PEAK1: variants seen among roughly 807,000 people sequenced by gnomAD.
PEAK1 encodes inactive tyrosine-protein kinase PEAK1.
A neutral mutation model predicts 124.7 loss-of-function variants in PEAK1; 54 were observed. The observed-to-expected ratio is 0.43, with a 90% CI of 0.35 to 0.54. The LOEUF (loss-of-function observed/expected upper bound fraction) is 0.54, where lower values mean the gene tolerates loss of function less well. PEAK1 is among the 20% of genes least tolerant of loss of function. PEAK1 has a pLI of 0.01. For synonymous variants in PEAK1, 719 were observed against 760.0 expected, an observed-to-expected ratio of 0.95 and a Z score of 0.89; for missense variants, 2,046 against 2,134.5, an observed-to-expected ratio of 0.96 and a Z score of 0.82.
chr15:77,139,261 C>T (rs1412631891), intron 8 of PEAK1, among the ~76,000 whole-genome samples: 2 of 152,192 alleles, frequency 1.3e-5, no homozygotes, highest in Non-Finnish European at 2.9e-5. Flanking sequence ...CCTAAGATAA[C>T]AATGCCTTCT....
At chr15:77,326,826 G>A (rs2065606568) in intron 2 of PEAK1, among the ~76,000 whole-genome samples, 1 of 152,040 alleles carries the variant, frequency 6.6e-6, no homozygotes, top group Non-Finnish European at 1.5e-5. Flanking sequence ...AAATACTGGT[G>A]ACAAAGAGCT....
intron 1 of PEAK1, chr15:77,419,028 T>C: frequency 1.0e-6 from 1 of 985,344 alleles, no homozygotes; most frequent in Non-Finnish European, 1.2e-6. Context: ...AAAAATCAAT[T>C]AGGTTTTCTA....
At chr15:77,260,204 C>T (rs1399173476) in intron 5 of PEAK1, among the ~76,000 whole-genome samples, 1 of 152,114 alleles carries the variant, frequency 6.6e-6, no homozygotes, top group East Asian at 1.9e-4. Context: ...GAATAAAGGC[C>T]ACTCTAGATA....
chr15:77,346,863 G>T, intron 2 of PEAK1: 1 of 535,640 alleles, frequency 1.9e-6, no homozygotes, highest in Non-Finnish European at 2.4e-6. Context: ...ATGTCCCTTT[G>T]TCCCCATCAG....
chr15:77,225,631 G>GTGTA (rs1168224941), intron 6 of PEAK1, among the ~76,000 whole-genome samples: 3 of 37,940 alleles, frequency 7.9e-5, no homozygotes, highest in Non-Finnish European at 2.8e-4. Flanking sequence ...TTCTACAGAT[G>GTGTA]TGTGTGTGTG....
At chr15:77,283,796 A>C in intron 5 of PEAK1, 87 bp downstream of exon 5, 1 of 574,142 alleles carries the variant, frequency 1.7e-6, no homozygotes, top group Non-Finnish European at 2.2e-6. Flanking sequence ...GGATATTAAA[A>C]GTCAATTATG....
At chr15:77,406,488 G>A (rs138799001) in intron 1 of PEAK1, among the ~76,000 whole-genome samples, 1,698 of 152,172 alleles carry the variant, frequency 0.011, 40 homozygotes, top group African/African-American at 0.039. Flanking sequence ...TACCAACAGC[G>A]GCCAAGCTGA....
At chr15:77,278,550 C>T (rs2062463342) in intron 5 of PEAK1, 3 of 492,990 alleles carry the variant, frequency 6.1e-6, no homozygotes, top group South Asian at 4.6e-5. Flanking sequence ...GCAAGGTTGT[C>T]TACTAAACCT....
intron 6 of PEAK1, among the ~76,000 whole-genome samples, chr15:77,207,778 A>C (rs1567115968): frequency 6.6e-6 from 1 of 152,184 alleles, no homozygotes; most frequent in East Asian, 1.9e-4. Flanking sequence ...GTCATTATAC[A>C]TTTGTCAAAC....
intron 2 of PEAK1, chr15:77,352,455 G>A (rs1358340267): frequency 3.0e-6 from 3 of 985,228 alleles, no homozygotes; most frequent in Non-Finnish European, 3.6e-6. Flanking sequence ...GGGGAGATGA[G>A]GGACAGCTGT....
intron 2 of PEAK1, among the ~76,000 whole-genome samples, chr15:77,311,447 G>A (rs944121505): frequency 3.9e-5 from 6 of 152,056 alleles, no homozygotes; most frequent in African/African-American, 9.7e-5. Flanking sequence ...AGGCAGAGGC[G>A]GGTGGATCAC....
intron 2 of PEAK1, among the ~76,000 whole-genome samples, chr15:77,314,838 TA>T (rs1018441841): frequency 9.9e-5 from 15 of 152,246 alleles, no homozygotes; most frequent in African/African-American, 3.6e-4. Context: ...TAGTTTCATG[TA>T]AAGAAAAAAA....
At chr15:77,174,058 C>CACAT (rs1261544310) in intron 7 of PEAK1, among the ~76,000 whole-genome samples, 4 of 152,198 alleles carry the variant, frequency 2.6e-5, no homozygotes, top group African/African-American at 9.6e-5. Context: ...AAGGATCAGA[C>CACAT]ACATATTTGA....
chr15:77,117,178 A>G (rs997998645), intron 9 of PEAK1, among the ~76,000 whole-genome samples: 8 of 152,202 alleles, frequency 5.3e-5, no homozygotes, highest in Non-Finnish European at 1.0e-4. Context: ...AACTCTTCAT[A>G]CCACTAAATT....
intron 2 of PEAK1, chr15:77,349,401 A>G (rs992092888): frequency 2.0e-6 from 2 of 979,734 alleles, no homozygotes; most frequent in Admixed American, 6.2e-5. Context: ...TGTTGTATTT[A>G]AGAGAGTCAA....
chr15:77,179,347 A>G lies in PEAK1; in HGVS notation c.2580T>C (p.Thr860=), dbSNP rs2057092226. The part of the protein sequence containing the change: ...PVTPSPSKLV[T]SPQSEPPAPF... ...GAGCTGGTGGCTCACTTTGGGGGCT[A>G]GTCACTAATTTGGAGGGAGAGGGGG... Residue 860 remains threonine, a synonymous_variant, in exon 7 of 10, where the codon ACT becomes ACC. Transcript: ENST00000682557. 6.2e-7 allele frequency: 1 copy of G among 1,614,048 alleles called. No homozygotes were observed. Among genetic ancestry groups the G allele is most frequent in the Non-Finnish European group, 8.5e-7 (1 of 1,180,002 alleles).
At chr15:77,258,037 T>C (rs2061253547) in intron 5 of PEAK1, among the ~76,000 whole-genome samples, 1 of 152,158 alleles carries the variant, frequency 6.6e-6, no homozygotes, top group South Asian at 2.1e-4. Flanking sequence ...CAGATAGTTG[T>C]AGACATGCGG....
intron 5 of PEAK1, among the ~76,000 whole-genome samples, chr15:77,269,667 A>G (rs1320842169): frequency 6.6e-6 from 1 of 152,196 alleles, no homozygotes; most frequent in Admixed American, 6.5e-5. Context: ...ATAACATTCT[A>G]CCCAACAACT....
At position 77,163,029 on chromosome 15, in the gene PEAK1, T is replaced by C. The variant is rs575004681; in HGVS notation, c.3138-4333A>G. 3.3e-4 allele frequency among the ~76,000 whole-genome samples: 50 copies of C among 152,320 alleles called. 1 individual carries two copies. In the South Asian group the frequency reaches 0.01, roughly 31 times the overall value. ...GGTTTTTACATTTCTGCTATTTTAA[T>C]TCATGTTGAAACACTCCTACTTCCG... On this transcript the variant is annotated intron_variant, in intron 7 of 9. Coordinates refer to ENST00000682557, the MANE Select transcript of PEAK1 (RefSeq NM_001385026.1).
Sources: allele counts gnomAD v4.1 joint callset (sites outside exome capture counted in the v4.1 genomes callset), GRCh38; gene constraint gnomAD v4.1.1; transcripts MANE v1.5; gene names NCBI Gene and HGNC (gene_info 2026-07-23, HGNC 2026-07-21).